The following NAV2 variants were observed in gnomAD, a reference collection of about 807,000 sequenced individuals.
NAV2 encodes the protein neuron navigator 2.
Under a neutral mutation model 223.2 loss-of-function variants are expected in NAV2, and 54 were observed. The observed-to-expected ratio is 0.24, with a 90% CI of 0.19 to 0.30. The LOEUF (loss-of-function observed/expected upper bound fraction) is 0.30, where lower values mean the gene tolerates loss of function less well. NAV2 is among the 10% of genes least tolerant of loss of function. The pLI, the probability that NAV2 is intolerant of heterozygous loss-of-function variation, is 1.00. For missense variants in NAV2, 2,806 were observed against 3,147.5 expected (o/e 0.89, Z 2.60); for synonymous variants, 1,279 against 1,239.3 (o/e 1.03, Z -0.67).
chr11:19,684,057 T>C (rs547342981), intron 1 of NAV2, among the ~76,000 whole-genome samples: 1 of 152,352 alleles, frequency 6.6e-6, no homozygotes, highest in East Asian at 1.9e-4. Flanking sequence ...TGTTTTAACT[T>C]GATTGCGAAA....
chr11:19,831,235 G>GC (rs1281364207), intron 1 of NAV2, among the ~76,000 whole-genome samples: 2 of 108,396 alleles, frequency 1.8e-5, no homozygotes, highest in African/African-American at 3.5e-5. Context: ...GGGGGGGGGG[G>GC]GGCGCGATGG....
intron 6 of NAV2, among the ~76,000 whole-genome samples, chr11:19,914,584 CCGGACTG>C (rs1230784029): frequency 6.6e-6 from 1 of 150,594 alleles, no homozygotes; most frequent in East Asian, 2.0e-4. Flanking sequence ...GTCGCCCAGG[CCGGACTG>C]CGGACTGCAG....
rs1852093006 is a variant in NAV2 at position 19,459,875 on chromosome 11, AGGATGATTAATACTGCAGGAG to A, written c.75+108849_75+108869del. 2.0e-5 allele frequency among the ~76,000 whole-genome samples: 3 copies of A among 152,210 alleles called. No homozygotes were observed. In the South Asian group the frequency reaches 6.2e-4, roughly 31 times the overall value. On this transcript the variant is annotated intron_variant, in intron 1 of 37. Transcript: ENST00000360655. The stretch of plus-strand genomic sequence containing the variant: ...AATGCTATAGCCTGAGTTGTGTCTT[AGGATGATTAATACTGCAGGAG>A]CAGTTAGGGTGGATTGCAAGTGGGG...
At chr11:20,009,725 T>G (rs375206546) in intron 11 of NAV2, among the ~76,000 whole-genome samples, 22 of 147,382 alleles carry the variant, frequency 1.5e-4, no homozygotes, top group African/African-American at 5.1e-4. Flanking sequence ...CCCCTCCTTC[T>G]CCTCTCTTCA....
At chr11:19,600,322 G>C (rs2046319041) in intron 1 of NAV2, among the ~76,000 whole-genome samples, 2 of 152,222 alleles carry the variant, frequency 1.3e-5, no homozygotes, top group African/African-American at 4.8e-5. Flanking sequence ...CCCTAGGTGA[G>C]GGACATGCCT....
chr11:19,574,963 G>A (rs2045531826), intron 1 of NAV2, among the ~76,000 whole-genome samples: 1 of 152,140 alleles, frequency 6.6e-6, no homozygotes, highest in Admixed American at 6.5e-5. Context: ...CACAGGTGAA[G>A]GCCCTGAGGA....
intron 2 of NAV2, among the ~76,000 whole-genome samples, chr11:19,838,758 C>T (rs547007967): frequency 4.6e-5 from 7 of 152,208 alleles, no homozygotes; most frequent in Non-Finnish European, 8.8e-5. Flanking sequence ...CGAGTAGCTG[C>T]GATTGTAGGC....
intron 11 of NAV2, among the ~76,000 whole-genome samples, chr11:20,013,402 A>G (rs531206346): frequency 1.1e-4 from 16 of 152,176 alleles, no homozygotes; most frequent in African/African-American, 3.9e-4. Flanking sequence ...TTAATTCTTA[A>G]CCAGTCTATA....
At chr11:19,901,936 T>G (rs1230778766) in intron 6 of NAV2, among the ~76,000 whole-genome samples, 3 of 152,168 alleles carry the variant, frequency 2.0e-5, no homozygotes, top group Non-Finnish European at 4.4e-5. Context: ...GAGGTCTAAA[T>G]AGGGAAGCAG....
In NAV2 at chr11:19,892,604, C is replaced by T. The variant is rs761358715; in HGVS notation, c.931+10C>T. On this transcript the variant is annotated intron_variant, in intron 6 of 37. Coordinates refer to ENST00000349880, the MANE Select transcript of NAV2 (RefSeq NM_145117.5). The stretch of plus-strand genomic sequence containing the variant: ...AGCAGCCACGAGAAAGGTGAGTCAC[C>T]TTCTTGAGGAGCCTTTTTGGTATTT... The T allele has an allele frequency of 1.4e-5, 23 of 1,612,182 alleles. No individual in the cohort carries two copies. In the East Asian group the frequency reaches 4.7e-4, roughly 33 times the overall value.
At position 20,044,286 on chromosome 11, in the gene NAV2, GCTGTCTTGGCC is replaced by G. The variant is rs750692544; in HGVS notation, c.3199+17_3199+27del. Reference sequence around the variant, plus strand: ...CCCCAGGAACTGGTAAGAGGCCGGGGCTGTCTTGGCCCTACAGTTGACATTTTGAAAACCAA... The same window carrying G: ...CCCCAGGAACTGGTAAGAGGCCGGGGCTACAGTTGACATTTTGAAAACCAA... On this transcript the variant is annotated intron_variant, in intron 13 of 37. Coordinates refer to ENST00000349880, the MANE Select transcript of NAV2 (RefSeq NM_145117.5). 1.8e-5 allele frequency: 28 copies of G among 1,598,458 alleles called. No homozygotes were observed. The South Asian group carries it at 3.1e-4, about 18-fold the overall frequency.
At position 19,874,031 on chromosome 11, in the gene NAV2, C is replaced by T. The variant is rs536193345; in HGVS notation, c.511+5034C>T. Among the ~76,000 whole-genome samples, 38 of 152,296 alleles carry T rather than the reference C, an allele frequency of 2.5e-4. No individual in the cohort carries two copies. The South Asian group carries it at 6.2e-3, about 25-fold the overall frequency. The stretch of plus-strand genomic sequence containing the variant: ...AGCTCTGTGGTTTGCACAGCCCTCC[C>T]TTTGGCTTTGAATCCCTTATACCCT... On this transcript the variant is annotated intron_variant, in intron 4 of 37. Transcript: ENST00000349880.
At chr11:19,990,282 G>A (rs952532304) in intron 11 of NAV2, among the ~76,000 whole-genome samples, 2 of 152,140 alleles carry the variant, frequency 1.3e-5, no homozygotes, top group East Asian at 3.9e-4. Context: ...TGAGGGAGGA[G>A]CCTGCAATGT....
At chr11:19,939,930 T>C (rs566417605) in intron 8 of NAV2, among the ~76,000 whole-genome samples, 157 bp downstream of exon 8, 3 of 152,066 alleles carry the variant, frequency 2.0e-5, no homozygotes, top group Admixed American at 6.5e-5. Context: ...TTTCCTATTA[T>C]TTTTCTTCTT....
At chr11:19,566,032 AT>A (rs964540423) in intron 1 of NAV2, among the ~76,000 whole-genome samples, 1 of 18,786 alleles carries the variant, frequency 5.3e-5, no homozygotes, top group Admixed American at 6.0e-4. Flanking sequence ...ATCCAAGGAG[AT>A]TTTATTTTAT....
Position 19,948,943 on chromosome 11 carries a change from T to C in NAV2, c.2508T>C (p.Ser836=), listed in dbSNP as rs1744952912. 19 of 1,613,832 alleles carry C rather than the reference T, an allele frequency of 1.2e-5. 1 individual carries two copies. In the Middle Eastern group the frequency reaches 1.8e-3, roughly 154 times the overall value. Residue 836 remains serine, a synonymous_variant, in exon 10 of 38, where the codon AGT becomes AGC. Transcript: ENST00000349880. The stretch of plus-strand genomic sequence containing the variant: ...GAAGGCAGCTGGCCTCCCGGGGCAG[T>C]AGTGTCTGCCATGTGGACGTCTCAG... ...PLRRQLASRG[S]SVCHVDVSDK...
At chr11:19,960,943 G>A (rs2048312011) in intron 10 of NAV2, among the ~76,000 whole-genome samples, 1 of 151,982 alleles carries the variant, frequency 6.6e-6, no homozygotes, top group Non-Finnish European at 1.5e-5. Context: ...GGAGAGTAGT[G>A]GTCTGCAGGC....
intron 1 of NAV2, among the ~76,000 whole-genome samples, chr11:19,377,618 G>A (rs987660081): frequency 6.6e-5 from 10 of 152,252 alleles, no homozygotes; most frequent in Admixed American, 6.5e-4. Context: ...ATATATGAGG[G>A]GGAATTGTGG....
chr11:19,440,432 A>G lies in NAV2; in HGVS notation c.75+89405A>G, dbSNP rs374904250. 3.9e-5 allele frequency among the ~76,000 whole-genome samples: 6 copies of G among 152,230 alleles called. No individual in the cohort carries two copies. In the South Asian group the frequency reaches 6.2e-4, roughly 16 times the overall value. On this transcript the variant is annotated intron_variant, in intron 1 of 37. Transcript: ENST00000360655. Reference sequence around the variant, plus strand: ...TAACCTGTACAAGGGTGTAACTAGTATTGTCCAAGCTGCTGGGGTCGGTAT... The same window carrying G: ...TAACCTGTACAAGGGTGTAACTAGTGTTGTCCAAGCTGCTGGGGTCGGTAT...
Sources: allele counts gnomAD v4.1 joint callset (sites outside exome capture counted in the v4.1 genomes callset), GRCh38; gene constraint gnomAD v4.1.1; transcripts MANE v1.5; gene names NCBI Gene and HGNC (gene_info 2026-07-23, HGNC 2026-07-21).